The following DNM2 variants were observed in gnomAD, a reference collection of about 807,000 sequenced individuals.
DNM2 encodes the protein dynamin-2.
In DNM2, 15 loss-of-function variants were observed where a neutral mutation model predicts 99.0. The observed-to-expected ratio is 0.15, with a 90% CI of 0.10 to 0.23. The LOEUF is 0.23. Ranked by LOEUF, DNM2 falls within the 10% of genes least tolerant of loss-of-function variation. DNM2 has a pLI of 1.00. For synonymous variants in DNM2, 525 were observed against 481.2 expected, an observed-to-expected ratio of 1.09 and a Z score of -1.19; for missense variants, 742 against 1,189.4, an observed-to-expected ratio of 0.62 and a Z score of 5.53.
At chr19:10,789,513 G>A (rs886957451) in intron 7 of DNM2, among the ~76,000 whole-genome samples, 3 of 151,574 alleles carry the variant, frequency 2.0e-5, no homozygotes, top group Non-Finnish European at 2.9e-5. Flanking sequence ...AACAAAGTGG[G>A]ATCCTGTCTC....
rs760254039 is a variant in DNM2, at chr19:10,786,603, C to T, written c.889C>T (p.Arg297Cys). The change falls in exon 7 of 21, where the codon CGT becomes TGT. Residue 297 changes from arginine to cysteine, a missense_variant. Physicochemically the swap from Arg to Cys is radical, Grantham distance 180 (BLOSUM62 -3). This residue lies in a region of DNM2 where 44 missense variants were observed against 41.3 expected (regional missense o/e 1.06). Transcript: ENST00000389253. ...CATCCGGGAGTCGCTGCCGGCCCTACGTAGCAAACTACAGAGCCAGCTGCT... is the reference window on the plus strand; with the variant it reads ...CATCCGGGAGTCGCTGCCGGCCCTATGTAGCAAACTACAGAGCCAGCTGCT... Reference protein sequence around the residue: ...NHIRESLPALRSKLQSQLLSL... With the variant: ...NHIRESLPALCSKLQSQLLSL... 2.1e-5 allele frequency: 34 copies of T among 1,614,026 alleles called. No individual in the cohort carries two copies. Among genetic ancestry groups the T allele is most frequent in the East Asian group, 4.5e-5 (2 of 44,890 alleles).
intron 1 of DNM2, among the ~76,000 whole-genome samples, chr19:10,729,191 T>A (rs113160546): frequency 0.085 from 4,522 of 53,474 alleles, 40 homozygotes; most frequent in Admixed American, 0.1. Flanking sequence ...AAAAAAAAAA[T>A]ATAAAAAATT....
chr19:10,782,868 A>T, intron 5 of DNM2, 92 bp from the exon 6 acceptor site: 4 of 1,568,324 alleles, frequency 2.6e-6, no homozygotes, highest in Non-Finnish European at 3.5e-6. Context: ...GTGGGACAGG[A>T]TCCATCTCTA....
intron 1 of DNM2, among the ~76,000 whole-genome samples, chr19:10,739,029 G>A (rs978965550): frequency 2.6e-5 from 4 of 152,112 alleles, no homozygotes; most frequent in African/African-American, 7.2e-5. Context: ...TTAGCGGGGC[G>A]TGGTAGCGGG....
Position 10,830,111 on chromosome 19 carries a change from C to T in DNM2, c.2292-16C>T. 6.2e-7 allele frequency: 1 copy of T among 1,613,800 alleles called. No individual in the cohort carries two copies. The highest frequency in any genetic ancestry group is 8.5e-7 in the Non-Finnish European group (1 of 1,179,810). ...TCCATCTGTATCTGTAGCTCACACC[C>T]TCTCCTTCCTCACAGCCCCACTCCA... On this transcript the variant is annotated splice_polypyrimidine_tract_variant and intron_variant, in intron 19 of 20. Transcript: ENST00000389253. This position sits in a 1 kb window ranked among gnomAD's most constrained non-coding sequence, Gnocchi z 4.8.
chr19:10,774,728 C>CTTTTTTTTTTTT (rs34413054), intron 3 of DNM2, among the ~76,000 whole-genome samples: 214 of 121,388 alleles, frequency 1.8e-3, no homozygotes, highest in African/African-American at 6.6e-3. Context: ...TTGGCCTATG[C>CTTTTTTTTTTTT]TTTTTTTTTT....
intron 13 of DNM2, among the ~76,000 whole-genome samples, chr19:10,808,166 A>G (rs1192218578): frequency 6.6e-6 from 1 of 151,470 alleles, no homozygotes; most frequent in Non-Finnish European, 1.5e-5. Flanking sequence ...AGAAAGAAAG[A>G]AAAGGAAACC....
chr19:10,789,429 C>T (rs2071675336), intron 7 of DNM2, among the ~76,000 whole-genome samples: 1 of 151,900 alleles, frequency 6.6e-6, no homozygotes, highest in South Asian at 2.1e-4. Flanking sequence ...TTACAAGGTG[C>T]CTGTAATCCC....
chr19:10,776,348 A>G (rs1309043984), intron 4 of DNM2, among the ~76,000 whole-genome samples: 3 of 152,228 alleles, frequency 2.0e-5, no homozygotes, highest in East Asian at 1.9e-4. Context: ...GAGATCGTCT[A>G]TTTCCCTTCG....
rs2071115934 is a variant in DNM2 at position 10,775,271 on chromosome 19, G to A, written c.386-432G>A. Among the ~76,000 whole-genome samples the A allele has an allele frequency of 1.3e-5, 2 of 150,176 alleles. No individual in the cohort carries two copies. Among genetic ancestry groups the A allele is most frequent in the Non-Finnish European group, 3.0e-5 (2 of 67,508 alleles). On this transcript the variant is annotated intron_variant, in intron 3 of 20. Coordinates refer to ENST00000389253, the MANE Select transcript of DNM2 (RefSeq NM_001005361.3). The surrounding 1 kb of genome is among the most constrained non-coding windows in gnomAD (Gnocchi z 4.3). ...TAATTTTTGTATACTTAGTACAGATGGGGTTTTGCCATGTTGGCTAGGCTG... is the reference window on the plus strand; with the variant it reads ...TAATTTTTGTATACTTAGTACAGATAGGGTTTTGCCATGTTGGCTAGGCTG...
intron 4 of DNM2, among the ~76,000 whole-genome samples, 184 bp from the exon 5 acceptor site, chr19:10,776,934 C>T (rs913897677): frequency 1.3e-5 from 2 of 152,208 alleles, no homozygotes; most frequent in African/African-American, 2.4e-5. Context: ...CCTGTGAGAT[C>T]AGGGCTGTGA....
chr19:10,785,146 C>T (rs533334467), intron 6 of DNM2, among the ~76,000 whole-genome samples: 147 of 151,942 alleles, frequency 9.7e-4, no homozygotes, highest in Non-Finnish European at 1.5e-3. Context: ...CAGATGGAGT[C>T]TCGCTCTGTT....
rs1300248755 is a variant in DNM2, at chr19:10,772,886, T to G, written c.385+258T>G. On this transcript the variant is annotated intron_variant, in intron 3 of 20. Transcript: ENST00000389253. This position sits in a 1 kb window ranked among gnomAD's most constrained non-coding sequence, Gnocchi z 4.9. The stretch of plus-strand genomic sequence containing the variant: ...GTGGGGGATTGCAGCCATTTCCCCC[T>G]TTTACCAAGGGCAGCCACCACTTGG... Among the ~76,000 whole-genome samples the G allele has an allele frequency of 2.0e-5, 3 of 152,110 alleles. No homozygotes were observed. The highest frequency in any genetic ancestry group is 7.2e-5 in the African/African-American group (3 of 41,418).
At chr19:10,783,453 T>A (rs1021448094) in intron 6 of DNM2, among the ~76,000 whole-genome samples, 1 of 152,046 alleles carries the variant, frequency 6.6e-6, no homozygotes, top group African/African-American at 2.4e-5. Flanking sequence ...GGCAATAGAG[T>A]GAGACCCTGT....
chr19:10,807,675 A>G (rs938927399), intron 13 of DNM2, among the ~76,000 whole-genome samples: 2 of 141,546 alleles, frequency 1.4e-5, no homozygotes, highest in Non-Finnish European at 3.0e-5. Flanking sequence ...CAGCCTTCTG[A>G]GTAGCGACGA....
At chr19:10,823,763 C>T (rs1484200971) in intron 16 of DNM2, 25 bp from the exon 17 acceptor site, 2 of 1,521,056 alleles carry the variant, frequency 1.3e-6, no homozygotes, top group African/African-American at 2.7e-5. Flanking sequence ...CAAGCTTGTG[C>T]CCCTCCTTCC....
intron 19 of DNM2, 64 bp downstream of exon 19, chr19:10,829,332 G>A: frequency 6.4e-7 from 1 of 1,565,958 alleles, no homozygotes; most frequent in Non-Finnish European, 8.7e-7. Context: ...CTCCCTGTGT[G>A]TCCTGCAGGG....
Position 10,759,738 on chromosome 19 carries a change from G to A in DNM2, c.162G>A (p.Arg54=), listed in dbSNP as rs762111033. 1.2e-6 allele frequency: 2 copies of A among 1,614,072 alleles called. No individual in the cohort carries two copies. Among genetic ancestry groups the A allele is most frequent in the Non-Finnish European group, 1.7e-6 (2 of 1,180,016 alleles). ...KSSVLENFVG[R]DFLPRGSGIV... ...TTCTGTCCCTCTCCCCCCCTCACAG[G>A]GACTTCCTTCCCCGCGGTTCAGGAA... is the stretch of plus-strand genomic sequence containing the variant. The change falls in exon 2 of 21, where the codon CGG becomes CGA. Residue 54 remains arginine (R), a splice_region_variant and synonymous_variant. Transcript: ENST00000389253.
At chr19:10,722,253 ACT>A (rs1039140276) in intron 1 of DNM2, among the ~76,000 whole-genome samples, 1 of 151,362 alleles carries the variant, frequency 6.6e-6, no homozygotes, top group Non-Finnish European at 1.5e-5. Flanking sequence ...AGTCCCCACT[ACT>A]CCCTAGCACT....
Sources: allele counts gnomAD v4.1 joint callset (sites outside exome capture counted in the v4.1 genomes callset), GRCh38; gene constraint gnomAD v4.1.1; regional missense constraint gnomAD v4.1.1; non-coding constraint Gnocchi (gnomAD v3.1); transcripts MANE v1.5; gene names NCBI Gene and HGNC (gene_info 2026-07-23, HGNC 2026-07-21).